KCNQ2: variants seen among roughly 807,000 people sequenced by gnomAD.
KCNQ2 encodes potassium voltage-gated channel subfamily KQT member 2.
A neutral mutation model predicts 84.8 loss-of-function variants in KCNQ2; 14 were observed. The ratio of observed to expected loss-of-function variants is 0.17; its 90% CI spans 0.11 to 0.26. KCNQ2 has a LOEUF of 0.26. KCNQ2 is among the 10% of genes least tolerant of loss of function. The probability of loss-of-function intolerance (pLI) is 1.00; values close to 1 mark genes in which losing one functional copy is unlikely to be tolerated. For missense variants in KCNQ2, 788 were observed against 1,254.0 expected (o/e 0.63, Z 5.61); for synonymous variants, 599 against 554.1 (o/e 1.08, Z -1.14).
At chr20:63,432,336 AC>A (rs113929892) in intron 8 of KCNQ2, among the ~76,000 whole-genome samples, 3,977 of 128,028 alleles carry the variant, frequency 0.031, 31 homozygotes, top group Admixed American at 0.056. Flanking sequence ...GGAAGGCTCC[AC>A]CCTCAGGGAA....
chr20:63,401,069 C>T lies in KCNQ2; in HGVS notation c.*5575G>A, dbSNP rs535958379. On this transcript the variant is annotated 3_prime_UTR_variant, in exon 17 of 17. Coordinates refer to ENST00000359125, the MANE Select transcript of KCNQ2 (RefSeq NM_172107.4). ...TGCTGGCGCCTGGCCGAGAGTCAGACGCTGAGGACCTCTCAGGACGGGGCC... is the reference window on the plus strand; with the variant it reads ...TGCTGGCGCCTGGCCGAGAGTCAGATGCTGAGGACCTCTCAGGACGGGGCC... 24 of 393,222 alleles carry T rather than the reference C, an allele frequency of 6.1e-5. No homozygotes were observed. The highest frequency in any genetic ancestry group is 6.4e-4 in the Middle Eastern group (1 of 1,566). The allele number at this position is 393,222 out of a possible 1,614,324, so 24.4% of individuals were successfully genotyped here.
At chr20:63,436,775 CTT>C (rs60028841) in intron 7 of KCNQ2, among the ~76,000 whole-genome samples, 3 of 122,352 alleles carry the variant, frequency 2.5e-5, no homozygotes, top group African/African-American at 6.3e-5. Context: ...ATAAACATAA[CTT>C]TTTTTTTTTT....
At chr20:63,429,230 A>T (rs149625943) in intron 9 of KCNQ2, among the ~76,000 whole-genome samples, 1 of 138,658 alleles carries the variant, frequency 7.2e-6, no homozygotes, top group Non-Finnish European at 1.5e-5. Context: ...ACAGCATTCC[A>T]GCTCGCTTCA....
At chr20:63,435,437 C>T (rs1027563272) in intron 7 of KCNQ2, among the ~76,000 whole-genome samples, 1 of 150,504 alleles carries the variant, frequency 6.6e-6, no homozygotes, top group Non-Finnish European at 1.5e-5. Context: ...AGCCTGAAGA[C>T]GGGACTGAAC....
At chr20:63,410,275 T>C (rs1342183123) in intron 15 of KCNQ2, among the ~76,000 whole-genome samples, 2 of 152,150 alleles carry the variant, frequency 1.3e-5, no homozygotes, top group Non-Finnish European at 1.5e-5. Flanking sequence ...TCAGTCCCAA[T>C]AGGAGCCCTG....
rs1568933946 is a variant in KCNQ2, at chr20:63,442,714, C to CATCACCATT, written c.691-184_691-183insAATGGTGAT. 1.0e-4 allele frequency among the ~76,000 whole-genome samples: 11 copies of CATCACCATT among 110,312 alleles called. 4 individuals are homozygous for CATCACCATT. The highest frequency in any genetic ancestry group is 2.7e-4 in the African/African-American group (7 of 26,356). The allele number at this position is 110,312 out of a possible 152,430, so 72.4% of individuals were successfully genotyped here. A position where few individuals can be genotyped will look rare whatever the true frequency, so the allele number is the denominator to read the frequency against. On this transcript the variant is annotated intron_variant, in intron 4 of 16. Coordinates refer to ENST00000359125, the MANE Select transcript of KCNQ2 (RefSeq NM_172107.4). ...CCATCACCACCATCACCATCACCAC[C>CATCACCATT]ACCACCACCATCATCACCACCTCCA...
intron 6 of KCNQ2, 45 bp downstream of exon 6, chr20:63,439,553 A>G (rs2081095933): frequency 3.4e-6 from 5 of 1,453,248 alleles, no homozygotes; most frequent in African/African-American, 2.8e-5. Flanking sequence ...GGGAGCCTAC[A>G]AGACCTCGTC....
chr20:63,435,971 C>G (rs907142653), intron 7 of KCNQ2, among the ~76,000 whole-genome samples: 11 of 148,728 alleles, frequency 7.4e-5, no homozygotes, highest in African/African-American at 2.7e-4. Flanking sequence ...ATACATTTGA[C>G]ATGTGTGTGG....
rs1322160813 is a variant in KCNQ2, at chr20:63,400,669, G to C, written c.*5975C>G. On this transcript the variant is annotated 3_prime_UTR_variant, in exon 17 of 17. Transcript: ENST00000359125. This position sits in a 1 kb window ranked among gnomAD's most constrained non-coding sequence, Gnocchi z 8.7. ...ATGGGGAAGCTGCAGCCACCGTCAC[G>C]GCCAGAGGATGGCAGACTGCAATGG... 16 of 398,712 alleles carry C rather than the reference G, an allele frequency of 4.0e-5. No individual in the cohort carries two copies. In the East Asian group the frequency reaches 4.6e-4, roughly 12 times the overall value. The allele number at this position is 398,712 out of a possible 1,614,324, so 24.7% of individuals were successfully genotyped here.
At chr20:63,422,870 G>A (rs759526600) in intron 11 of KCNQ2, among the ~76,000 whole-genome samples, 28 of 152,204 alleles carry the variant, frequency 1.8e-4, no homozygotes, top group East Asian at 1.7e-3. Context: ...CAGCAAGGGC[G>A]TGGGGCCCTG....
At chr20:63,448,643 C>G (rs1437092029) in intron 1 of KCNQ2, 1 of 152,320 alleles carries the variant, frequency 6.6e-6, no homozygotes, top group African/African-American at 2.4e-5. Context: ...GTGCTGCAGT[C>G]CAGCCTGGGT....
At chr20:63,428,756 C>T (rs937006068) in intron 9 of KCNQ2, among the ~76,000 whole-genome samples, 17 of 152,112 alleles carry the variant, frequency 1.1e-4, no homozygotes, top group African/African-American at 2.9e-4. Flanking sequence ...GAGGAGGGCG[C>T]GCAGGTAGGG....
At chr20:63,471,960 G>A (rs963402225) in intron 1 of KCNQ2, among the ~76,000 whole-genome samples, 2 of 152,176 alleles carry the variant, frequency 1.3e-5, no homozygotes, top group African/African-American at 4.8e-5. Flanking sequence ...GACCTGAGCG[G>A]CCCCGACCCC....
At chr20:63,426,556 T>C (rs1022496606) in intron 10 of KCNQ2, among the ~76,000 whole-genome samples, 10 of 151,738 alleles carry the variant, frequency 6.6e-5, no homozygotes, top group Non-Finnish European at 1.2e-4. Flanking sequence ...GCTCTGAATC[T>C]CCCTGTTTCC....
chr20:63,431,885 C>T (rs1188108648), intron 8 of KCNQ2, among the ~76,000 whole-genome samples: 2 of 151,650 alleles, frequency 1.3e-5, no homozygotes, highest in East Asian at 1.9e-4. Context: ...GGGAAAGCCC[C>T]GCCCACAGGG....
intron 11 of KCNQ2, among the ~76,000 whole-genome samples, chr20:63,420,083 G>A (rs1041116945): frequency 2.0e-5 from 3 of 152,236 alleles, no homozygotes; most frequent in Admixed American, 2.0e-4. Context: ...ATTTGAGAGA[G>A]GAAAACGTGC....
chr20:63,409,593 C>T (rs1362949927), intron 15 of KCNQ2, among the ~76,000 whole-genome samples: 2 of 152,220 alleles, frequency 1.3e-5, no homozygotes, highest in Non-Finnish European at 2.9e-5. Context: ...CAGCTCAAGA[C>T]GGGGTGTGGC....
intron 15 of KCNQ2, among the ~76,000 whole-genome samples, chr20:63,409,782 T>G (rs2080060811): frequency 7.0e-6 from 1 of 142,952 alleles, no homozygotes; most frequent in Non-Finnish European, 1.5e-5. Flanking sequence ...CTGCCCTACC[T>G]GCCTCTGATG....
chr20:63,411,536 C>T (rs945053755), intron 15 of KCNQ2, among the ~76,000 whole-genome samples: 2 of 152,206 alleles, frequency 1.3e-5, no homozygotes, highest in Non-Finnish European at 2.9e-5. Context: ...CCCGGCTTCC[C>T]CAGGGCACTT....
Sources: gnomAD v4.1 joint callset for allele counts (sites outside exome capture counted in the v4.1 genomes callset) on GRCh38, gnomAD v4.1.1 for gene constraint, Gnocchi (gnomAD v3.1) non-coding constraint, MANE v1.5 for transcripts, NCBI Gene and HGNC (gene_info 2026-07-23, HGNC 2026-07-21) for gene names.